BIRC6: variants seen among roughly 807,000 people sequenced by gnomAD.
BIRC6 encodes the protein dual E2 ubiquitin-conjugating enzyme/E3 ubiquitin-protein ligase BIRC6.
BIRC6 carries 98 observed loss-of-function variants against 503.3 expected under a neutral mutation model. The ratio of observed to expected loss-of-function variants is 0.19; its 90% CI spans 0.17 to 0.23. The LOEUF (loss-of-function observed/expected upper bound fraction) is 0.23, where lower values mean the gene tolerates loss of function less well. Ranked by LOEUF, BIRC6 falls within the 10% of genes least tolerant of loss-of-function variation. The pLI is 1.00. For missense variants in BIRC6, 5,360 were observed against 5,806.0 expected (o/e 0.92, Z 2.50); for synonymous variants, 2,240 against 2,078.7 (o/e 1.08, Z -2.11).
intron 66 of BIRC6, among the ~76,000 whole-genome samples, chr2:32,580,325 A>T (rs953098690): frequency 6.6e-6 from 1 of 152,230 alleles, no homozygotes; most frequent in African/African-American, 2.4e-5. Flanking sequence ...AGGAAAATCA[A>T]TCCAGATTTG....
rs185618871 is a variant in BIRC6, at chr2:32,507,701, A to G, written c.9701-279A>G. On this transcript the variant is annotated intron_variant, in intron 50 of 73. Coordinates refer to ENST00000421745, the MANE Select transcript of BIRC6 (RefSeq NM_016252.4). ...GTTTTATTCATAGGGAGCATCAGGT[A>G]CATGTGCATCACACATCTTTGGTTC... is the stretch of plus-strand genomic sequence containing the variant. Among the ~76,000 whole-genome samples the G allele has an allele frequency of 2.3e-4, 35 of 152,366 alleles. No homozygotes were observed. The East Asian group carries it at 5.4e-3, about 23-fold the overall frequency.
intron 16 of BIRC6, among the ~76,000 whole-genome samples, chr2:32,440,751 T>TTA (rs1553429507): frequency 2.4e-4 from 36 of 147,150 alleles, no homozygotes; most frequent in African/African-American, 8.4e-4. Flanking sequence ...TGTTTATTTA[T>TTA]TTATTATTAT....
chr2:32,575,137 TTTC>T lies in BIRC6; in HGVS notation c.13145-11_13145-9del, dbSNP rs752800442. The T allele has an allele frequency of 5.5e-5, 89 of 1,612,846 alleles. No homozygotes were observed. Among genetic ancestry groups the T allele is most frequent in the Admixed American group, 2.8e-4 (17 of 59,948 alleles). ...TTGTACATTTGCTCATTTTGTGCTT[TTTC>T]TTCTTCTCCTTATAGTTCTGGACAT... is the stretch of plus-strand genomic sequence containing the variant. On this transcript the variant is annotated splice_polypyrimidine_tract_variant and intron_variant, in intron 65 of 73. Transcript: ENST00000421745.
At chr2:32,426,365 G>A (rs925801580) in intron 10 of BIRC6, among the ~76,000 whole-genome samples, 1 of 152,246 alleles carries the variant, frequency 6.6e-6, no homozygotes, top group Non-Finnish European at 1.5e-5. Flanking sequence ...CACTTTGGGA[G>A]GTCAAGGCGG....
intron 3 of BIRC6, among the ~76,000 whole-genome samples, chr2:32,388,328 G>A (rs565354424): frequency 1.3e-5 from 2 of 150,662 alleles, no homozygotes; most frequent in African/African-American, 4.9e-5. Context: ...GTTGCAGTGA[G>A]CCGAGATTGC....
At chr2:32,545,414 T>C (rs2057989088) in intron 62 of BIRC6, among the ~76,000 whole-genome samples, 1 of 152,232 alleles carries the variant, frequency 6.6e-6, no homozygotes. Context: ...TACATATGTT[T>C]CCATTTTTTT....
intron 42 of BIRC6, among the ~76,000 whole-genome samples, chr2:32,489,249 T>C (rs1373749143): frequency 6.6e-6 from 1 of 152,002 alleles, no homozygotes; most frequent in African/African-American, 2.4e-5. Context: ...AAAATGAGAA[T>C]CTGTTCCTGA....
At chr2:32,494,544 A>G (rs1189199174) in intron 45 of BIRC6, among the ~76,000 whole-genome samples, 2 of 151,934 alleles carry the variant, frequency 1.3e-5, no homozygotes, top group African/African-American at 2.4e-5. Flanking sequence ...TTAATGAATT[A>G]TAAAGTGTTA....
intron 23 of BIRC6, among the ~76,000 whole-genome samples, chr2:32,454,672 C>G (rs1574328392): frequency 6.6e-6 from 1 of 152,156 alleles, no homozygotes; most frequent in South Asian, 2.1e-4. Flanking sequence ...CCATCTTAGT[C>G]TCCTCAACAG....
intron 51 of BIRC6, 135 bp downstream of exon 51, chr2:32,508,394 A>T (rs2054035277): frequency 1.7e-6 from 2 of 1,191,476 alleles, no homozygotes; most frequent in Non-Finnish European, 2.2e-6. Flanking sequence ...GTATCTGTAT[A>T]ATACAATTTT....
intron 66 of BIRC6, among the ~76,000 whole-genome samples, chr2:32,587,203 ATGGTGAAAC>A (rs1349925835): frequency 1.3e-5 from 2 of 152,218 alleles, no homozygotes; most frequent in Non-Finnish European, 2.9e-5. Context: ...CCTAGCCAAC[ATGGTGAAAC>A]ATTGTCTTTA....
chr2:32,492,413 AAG>A (rs2051852968), intron 44 of BIRC6, among the ~76,000 whole-genome samples: 1 of 152,100 alleles, frequency 6.6e-6, no homozygotes, highest in Non-Finnish European at 1.5e-5. Flanking sequence ...AGGAACAAGT[AAG>A]AGAGAAGAAA....
At chr2:32,375,829 G>T (rs568962200) in intron 1 of BIRC6, among the ~76,000 whole-genome samples, 36 of 149,394 alleles carry the variant, frequency 2.4e-4, no homozygotes, top group Non-Finnish European at 5.0e-4. Context: ...CATCACTAGT[G>T]TTACCTTTTA....
chr2:32,518,875 C>G lies in BIRC6; in HGVS notation c.11552C>G (p.Ala3851Gly). ...SHVIQHPMYGAGHKFRTLHLP... is the reference protein window; with the variant it reads ...SHVIQHPMYGGGHKFRTLHLP... The stretch of plus-strand genomic sequence containing the variant: ...GTCATCCAGCATCCAATGTATGGAG[C>G]AGGCCACAAATTCCGTACTCTTCAT... Residue 3851 changes from alanine to glycine, a missense_variant, in exon 57 of 74, where the codon GCA becomes GGA. Ala to Gly is a moderately conservative substitution (Grantham distance 60). This residue lies in a region of BIRC6 where 878 missense variants were observed against 928.9 expected (regional missense o/e 0.95). Transcript: ENST00000421745. 1.2e-6 allele frequency: 2 copies of G among 1,613,736 alleles called. No homozygotes were observed. Among genetic ancestry groups the G allele is most frequent in the Non-Finnish European group, 1.7e-6 (2 of 1,179,702 alleles).
Position 32,415,689 on chromosome 2 carries a change from C to G in BIRC6, c.2398C>G (p.Gln800Glu). The G allele has an allele frequency of 6.2e-7, 1 of 1,613,792 alleles. No individual in the cohort carries two copies. The highest frequency in any genetic ancestry group is 8.5e-7 in the Non-Finnish European group (1 of 1,179,864). The change falls in exon 10 of 74, where the codon CAA (glutamine) becomes GAA (glutamate). Residue 800 changes from glutamine (Q) to glutamate (E), a missense_variant. Physicochemically the swap from Gln to Glu is conservative, Grantham distance 29 (BLOSUM62 2). Transcript: ENST00000421745. ...GAATGGTGCAAATATTAGTGTAATC[C>G]AACATGAATCACCAGCAGATGTACA... ...VVNGANISVIQHESPADVQTP... is the reference protein window; with the variant it reads ...VVNGANISVIEHESPADVQTP...
chr2:32,493,842 A>G (rs1398484382), intron 45 of BIRC6, among the ~76,000 whole-genome samples, 175 bp downstream of exon 45: 1 of 152,194 alleles, frequency 6.6e-6, no homozygotes, highest in East Asian at 1.9e-4. Flanking sequence ...ATTTCATTTC[A>G]TTATGGTTTT....
chr2:32,435,252 T>G (rs2044571224), intron 13 of BIRC6, among the ~76,000 whole-genome samples: 1 of 152,176 alleles, frequency 6.6e-6, no homozygotes, highest in Non-Finnish European at 1.5e-5. Flanking sequence ...AGCAGATTGT[T>G]TCTTTAGGCA....
At chr2:32,397,467 C>T (rs1401183667) in intron 6 of BIRC6, among the ~76,000 whole-genome samples, 1 of 147,640 alleles carries the variant, frequency 6.8e-6, no homozygotes, top group African/African-American at 2.5e-5. Context: ...AGTGAAACTC[C>T]ATCTCAAAAA....
chr2:32,530,493 A>T (rs899980549), intron 60 of BIRC6, among the ~76,000 whole-genome samples: 1 of 152,166 alleles, frequency 6.6e-6, no homozygotes, highest in African/African-American at 2.4e-5. Flanking sequence ...TATAGGCATG[A>T]GCCACCGCAC....
Sources: allele counts gnomAD v4.1 joint callset (sites outside exome capture counted in the v4.1 genomes callset), GRCh38; gene constraint gnomAD v4.1.1; regional missense constraint gnomAD v4.1.1; transcripts MANE v1.5; gene names NCBI Gene and HGNC (gene_info 2026-07-23, HGNC 2026-07-21).